Variants in NRL observed in about 807,000 individuals in gnomAD.
NRL encodes the protein neural retina-specific leucine zipper protein.
A neutral mutation model predicts 12.5 loss-of-function variants in NRL; 16 were observed. The ratio of observed to expected loss-of-function variants is 1.28; its 90% CI spans 0.87 to 1.95. The LOEUF (loss-of-function observed/expected upper bound fraction) is 1.95. Ranked by LOEUF, NRL falls within the 30% of genes most tolerant of loss-of-function variation. NRL has a pLI of 0.00. For missense variants in NRL, 314 were observed against 325.8 expected (o/e 0.96, Z 0.28); for synonymous variants, 142 against 150.9 (o/e 0.94, Z 0.43).
In NRL at chr14:24,080,982, G is replaced by A. The variant is rs1482554007; in HGVS notation, c.*254C>T. On this transcript the variant is annotated 3_prime_UTR_variant, in exon 3 of 3. Coordinates refer to ENST00000561028, the MANE Select transcript of NRL (RefSeq NM_001354768.3). ...CCAGTGCCTGGCACTGGTCCCTGCAGAGCTCAGCGTGCTAGTCATGTGGGC... is the reference window on the plus strand; with the variant it reads ...CCAGTGCCTGGCACTGGTCCCTGCAAAGCTCAGCGTGCTAGTCATGTGGGC... 2.7e-6 allele frequency: 1 copy of A among 372,664 alleles called. No homozygotes were observed. The highest frequency in any genetic ancestry group is 4.7e-6 in the Non-Finnish European group (1 of 210,834). 23.1% of individuals were successfully genotyped at this position (372,664 alleles called of 1,614,324 possible).
chr14:24,103,158 A>T lies in NRL; in HGVS notation c.-28+11564T>A, dbSNP rs146873413. On this transcript the variant is annotated intron_variant, in intron 1 of 2. Transcript: ENST00000561028. The stretch of plus-strand genomic sequence containing the variant: ...CTGTGACTCTGTTCATTGGTGATCT[A>T]GGGGTACCCCTGGTATACGAGGCCT... 74 of 1,610,796 alleles carry T rather than the reference A, an allele frequency of 4.6e-5. No individual in the cohort carries two copies. The highest frequency in any genetic ancestry group is 5.4e-5 in the Non-Finnish European group (64 of 1,177,130).
rs2036345796 is a variant in NRL at position 24,082,529 on chromosome 14, A to G, written c.320T>C (p.Val107Ala). The G allele has an allele frequency of 2.5e-6, 4 of 1,613,344 alleles. No homozygotes were observed. The South Asian group carries it at 4.4e-5, about 18-fold the overall frequency. Residue 107 changes from valine (V) to alanine (A), a missense_variant, in exon 2 of 3, where the codon GTT becomes GCT. Val to Ala is a moderately conservative substitution (Grantham distance 64). Coordinates refer to ENST00000561028, the MANE Select transcript of NRL (RefSeq NM_001354768.3). The part of the protein sequence containing the change: ...ELLQGQGPVP[V>A]DGPHGYYPGS... ...TGGGTAGTAGCCATGGGGCCCATCA[A>G]CAGGGACTGGGCCCTGACCCTGCAG...
intron 1 of NRL, among the ~76,000 whole-genome samples, chr14:24,108,703 C>T (rs1054344344): frequency 6.6e-6 from 1 of 152,142 alleles, no homozygotes; most frequent in Non-Finnish European, 1.5e-5. Flanking sequence ...TTCTTACAGA[C>T]ACAAGACATG....
Position 24,080,121 on chromosome 14 carries a change from T to G in NRL, c.*1115A>C, listed in dbSNP as rs773864629. ...TGAAGCAGGGATAAAGAATGAACACTTCTTAAATTGCAAGAACATTTAGCT... is the reference window on the plus strand; with the variant it reads ...TGAAGCAGGGATAAAGAATGAACACGTCTTAAATTGCAAGAACATTTAGCT... On this transcript the variant is annotated 3_prime_UTR_variant, in exon 3 of 3. Coordinates refer to ENST00000561028, the MANE Select transcript of NRL (RefSeq NM_001354768.3). 1 of 152,166 alleles carries G rather than the reference T, an allele frequency of 6.6e-6. No individual in the cohort carries two copies. The highest frequency in any genetic ancestry group is 1.5e-5 in the Non-Finnish European group (1 of 68,032). The allele number at this position is 152,166 out of a possible 1,614,324, so 9.4% of individuals were successfully genotyped here.
chr14:24,098,121 C>A, intron 1 of NRL: 1 of 1,191,500 alleles, frequency 8.4e-7, no homozygotes, highest in South Asian at 1.5e-5. Context: ...GACCTGGAGT[C>A]AAAGTTGGAC....
At chr14:24,113,580 G>T (rs1428758799) in intron 1 of NRL, among the ~76,000 whole-genome samples, 3 of 152,218 alleles carry the variant, frequency 2.0e-5, no homozygotes, top group Non-Finnish European at 4.4e-5. Context: ...GTGGAGCCGA[G>T]TGCAAGATGA....
intron 1 of NRL, chr14:24,104,017 AAGGC>A: frequency 3.0e-6 from 4 of 1,335,870 alleles, no homozygotes; most frequent in Non-Finnish European, 4.3e-6. Flanking sequence ...GGGAATAGGG[AAGGC>A]ACCTTGCAGA....
Position 24,081,885 on chromosome 14 carries a change from G to C in NRL, c.382-317C>G. 7.5e-7 allele frequency: 1 copy of C among 1,337,704 alleles called. No homozygotes were observed. The highest frequency in any genetic ancestry group is 9.6e-7 in the Non-Finnish European group (1 of 1,038,764). The allele number at this position is 1,337,704 out of a possible 1,614,324, so 82.9% of individuals were successfully genotyped here. ...ATCCCCGGCATCCAGCTCCAGGCCC[G>C]GGTGTGTCCAGTGGACCCGCACCCA... On this transcript the variant is annotated intron_variant, in intron 2 of 2. Transcript: ENST00000561028. This position sits in a 1 kb window ranked among gnomAD's most constrained non-coding sequence, Gnocchi z 4.4.
rs1231822843 is a variant in NRL at position 24,094,557 on chromosome 14, A to C, written c.-27-11682T>G. 6.9e-7 allele frequency: 1 copy of C among 1,441,076 alleles called. No individual in the cohort carries two copies. The highest frequency in any genetic ancestry group is 9.1e-7 in the Non-Finnish European group (1 of 1,101,766). 89.3% of individuals were successfully genotyped at this position (1,441,076 alleles called of 1,614,324 possible). On this transcript the variant is annotated intron_variant, in intron 1 of 2. Transcript: ENST00000561028. The surrounding 1 kb of genome is among the most constrained non-coding windows in gnomAD (Gnocchi z 4.1). ...TTTCCCATCCTAGGCGGAGGCGGGC[A>C]GGGGCGACTGCTGTGGGTCCAGCCT...
intron 1 of NRL, chr14:24,098,270 T>C (rs1432557739): frequency 2.5e-6 from 4 of 1,613,906 alleles, no homozygotes; most frequent in Admixed American, 1.7e-5. Context: ...TGTAACTCCT[T>C]CTCAGCGGGA....
At chr14:24,084,821 C>T in intron 1 of NRL, 6 of 591,374 alleles carry the variant, frequency 1.0e-5, no homozygotes, top group Non-Finnish European at 1.3e-5. Flanking sequence ...AGCATCTTCC[C>T]CAACAAAGCT....
At chr14:24,082,177 C>A in intron 2 of NRL, 1 of 672,010 alleles carries the variant, frequency 1.5e-6, no homozygotes, top group Non-Finnish European at 1.8e-6. Flanking sequence ...TCTGTTTACC[C>A]CCCGGAGTCG....
intron 1 of NRL, chr14:24,098,143 G>A (rs750240132): frequency 1.9e-5 from 27 of 1,453,794 alleles, no homozygotes; most frequent in Non-Finnish European, 2.3e-5. Flanking sequence ...TGAAAAAGTG[G>A]GTCTAGGGAC....
chr14:24,112,323 C>T (rs2037433393), intron 1 of NRL, among the ~76,000 whole-genome samples: 2 of 149,502 alleles, frequency 1.3e-5, no homozygotes, highest in South Asian at 4.3e-4. Context: ...CTCTGCCCGG[C>T]TTTGGTATCA....
chr14:24,087,391 G>A (rs2036492519), intron 1 of NRL, among the ~76,000 whole-genome samples: 1 of 152,172 alleles, frequency 6.6e-6, no homozygotes, highest in Non-Finnish European at 1.5e-5. Flanking sequence ...AGCAAGATAT[G>A]GATGGAGTGA....
chr14:24,084,602 G>A, intron 1 of NRL: 1 of 985,492 alleles, frequency 1.0e-6, no homozygotes, highest in Non-Finnish European at 1.2e-6. Flanking sequence ...CCATGGAGCA[G>A]GGCCTGGTGC....
chr14:24,103,004 C>A, intron 1 of NRL: 1 of 1,308,710 alleles, frequency 7.6e-7, no homozygotes, highest in Non-Finnish European at 1.1e-6. Context: ...CTCCAGAGTT[C>A]TCCCCTGGTG....
intron 1 of NRL, chr14:24,103,256 G>T (rs776404979): frequency 1.9e-6 from 3 of 1,610,330 alleles, no homozygotes; most frequent in Non-Finnish European, 1.7e-6. Context: ...GAACACAAAG[G>T]TGAGCACCCT....
chr14:24,111,161 T>C (rs555506560), intron 1 of NRL, among the ~76,000 whole-genome samples: 12 of 152,162 alleles, frequency 7.9e-5, no homozygotes, highest in Non-Finnish European at 1.0e-4. Context: ...TTTTTTCTTT[T>C]TGTAGACTGG....
Sources: allele counts gnomAD v4.1 joint callset (sites outside exome capture counted in the v4.1 genomes callset), GRCh38; gene constraint gnomAD v4.1.1; non-coding constraint Gnocchi (gnomAD v3.1); transcripts MANE v1.5; gene names NCBI Gene and HGNC (gene_info 2026-07-23, HGNC 2026-07-21).